FMN1: variants seen among roughly 807,000 people sequenced by gnomAD.
FMN1 encodes formin-1.
A neutral mutation model predicts 132.4 loss-of-function variants in FMN1; 110 were observed. The observed-to-expected ratio is 0.83, with a 90% CI of 0.71 to 0.97. The LOEUF (loss-of-function observed/expected upper bound fraction) is 0.97. Among genes scored for constraint, FMN1 ranks in the 50% least tolerant of loss-of-function variants. The pLI, the probability that FMN1 is intolerant of heterozygous loss-of-function variation, is 0.00. For missense variants in FMN1, 1,792 were observed against 1,705.3 expected, an observed-to-expected ratio of 1.05 and a Z score of -0.90; for synonymous variants, 722 against 651.7, an observed-to-expected ratio of 1.11 and a Z score of -1.64.
chr15:32,878,130 G>A (rs2059681464), intron 16 of FMN1, among the ~76,000 whole-genome samples: 1 of 152,174 alleles, frequency 6.6e-6, no homozygotes. Flanking sequence ...TCAGAGCATG[G>A]GCCTATCTGG....
At chr15:32,791,096 G>T (rs1203796883) in intron 19 of FMN1, among the ~76,000 whole-genome samples, 1 of 152,144 alleles carries the variant, frequency 6.6e-6, no homozygotes, top group Non-Finnish European at 1.5e-5. Flanking sequence ...CACAAGGAAA[G>T]AAAGTGCAGG....
At chr15:32,980,362 G>T (rs2032556709) in intron 7 of FMN1, among the ~76,000 whole-genome samples, 1 of 151,070 alleles carries the variant, frequency 6.6e-6, no homozygotes, top group African/African-American at 2.4e-5. Flanking sequence ...CTTTAGCTCT[G>T]CATAAGGCTG....
In FMN1 at chr15:32,810,569, T is replaced by C. The variant is rs7164673; in HGVS notation, c.3929-6237A>G. On this transcript the variant is annotated intron_variant, in intron 17 of 20. Coordinates refer to ENST00000616417, the MANE Select transcript of FMN1 (RefSeq NM_001277313.2). ...AAAGAGAAAGTTTTTATAAATAAAA[T>C]GATATTTCCATAAAATATTCAGACT... 7.3e-3 allele frequency among the ~76,000 whole-genome samples: 1,118 copies of C among 152,312 alleles called. 17 individuals are homozygous for C. The highest frequency in any genetic ancestry group is 0.026 in the African/African-American group (1,063 of 41,562).
At chr15:32,811,318 G>A (rs1163479352) in intron 17 of FMN1, among the ~76,000 whole-genome samples, 1 of 152,122 alleles carries the variant, frequency 6.6e-6, no homozygotes, top group Non-Finnish European at 1.5e-5. Flanking sequence ...TAAGCTGGAT[G>A]GTAAAGTTGA....
chr15:32,999,221 C>G (rs1480790426), intron 7 of FMN1, among the ~76,000 whole-genome samples: 2 of 152,138 alleles, frequency 1.3e-5, no homozygotes, highest in Non-Finnish European at 2.9e-5. Context: ...TATTCCCTTT[C>G]CCTCACAGTA....
chr15:32,994,541 A>C (rs886828561), intron 7 of FMN1, among the ~76,000 whole-genome samples: 2 of 152,116 alleles, frequency 1.3e-5, no homozygotes, highest in African/African-American at 4.8e-5. Flanking sequence ...TCATCACATT[A>C]TATTTATTGG....
At chr15:32,992,838 C>T (rs938253000) in intron 7 of FMN1, among the ~76,000 whole-genome samples, 14 of 152,088 alleles carry the variant, frequency 9.2e-5, no homozygotes, top group Non-Finnish European at 1.2e-4. Context: ...TTCATTTTTA[C>T]GGAGTAAAAT....
chr15:33,046,371 A>AG (rs1012770848), intron 6 of FMN1, among the ~76,000 whole-genome samples: 3 of 152,212 alleles, frequency 2.0e-5, no homozygotes, highest in African/African-American at 4.8e-5. Context: ...AGTCTCATCT[A>AG]GGGATGCCTA....
chr15:32,920,445 T>C (rs2060792566), intron 10 of FMN1, among the ~76,000 whole-genome samples: 1 of 152,174 alleles, frequency 6.6e-6, no homozygotes, highest in Non-Finnish European at 1.5e-5. Flanking sequence ...GTGTTTTCAC[T>C]TCAGCCAGCA....
chr15:33,097,324 G>C (rs2039125558), intron 4 of FMN1, among the ~76,000 whole-genome samples: 2 of 150,820 alleles, frequency 1.3e-5, no homozygotes, highest in Non-Finnish European at 3.0e-5. Context: ...AAAAGAGAGA[G>C]AGAGAGAGAT....
chr15:32,999,528 G>C (rs1358451580), intron 7 of FMN1, among the ~76,000 whole-genome samples: 3 of 152,230 alleles, frequency 2.0e-5, no homozygotes, highest in African/African-American at 7.2e-5. Context: ...TTGATCCCTG[G>C]ATCATTTTGC....
chr15:32,890,547 T>C (rs1213497630), intron 15 of FMN1, among the ~76,000 whole-genome samples: 1 of 152,256 alleles, frequency 6.6e-6, no homozygotes, highest in Non-Finnish European at 1.5e-5. Context: ...TTCATGTTTG[T>C]TGGCCATTTG....
chr15:33,112,115 T>G (rs1371624084), intron 4 of FMN1, among the ~76,000 whole-genome samples: 2 of 152,264 alleles, frequency 1.3e-5, no homozygotes, highest in Middle Eastern at 3.4e-3. Context: ...AATAAAGATT[T>G]TAACCACAGC....
chr15:32,964,094 A>C lies in FMN1; in HGVS notation c.3138+13T>G. On this transcript the variant is annotated intron_variant, in intron 9 of 20. Transcript: ENST00000616417. ...TAATATATAATTACAGCTTTGCCAT[A>C]ATCACTCAGTACCTTTTTGACCTTG... 1 of 1,601,014 alleles carries C rather than the reference A, an allele frequency of 6.2e-7. No homozygotes were observed.
In FMN1 at chr15:32,767,592, A is replaced by G. The variant is rs1183249203; in HGVS notation, c.*6718T>C. On this transcript the variant is annotated 3_prime_UTR_variant, in exon 21 of 21. Coordinates refer to ENST00000616417, the MANE Select transcript of FMN1 (RefSeq NM_001277313.2). Reference sequence around the variant, plus strand: ...GATTCTTAAAAATTATCCAATTTCTAATTTTAAAAGTTTCTGCCTTTTTAG... The same window carrying G: ...GATTCTTAAAAATTATCCAATTTCTGATTTTAAAAGTTTCTGCCTTTTTAG... 3 of 152,344 alleles carry G rather than the reference A, an allele frequency of 2.0e-5. No homozygotes were observed. The South Asian group carries it at 6.2e-4, about 32-fold the overall frequency. The allele number at this position is 152,344 out of a possible 1,614,324, so 9.4% of individuals were successfully genotyped here. A position where few individuals can be genotyped will look rare whatever the true frequency, so the allele number is the denominator to read the frequency against.
At chr15:33,044,682 T>C (rs1182451206) in intron 6 of FMN1, among the ~76,000 whole-genome samples, 1 of 151,986 alleles carries the variant, frequency 6.6e-6, no homozygotes, top group Non-Finnish European at 1.5e-5. Flanking sequence ...GGGTCACCTC[T>C]CTACTGAGAG....
chr15:32,877,036 A>T (rs894103326), intron 16 of FMN1, among the ~76,000 whole-genome samples: 2 of 152,222 alleles, frequency 1.3e-5, no homozygotes, highest in African/African-American at 4.8e-5. Flanking sequence ...CTGTAATCCC[A>T]GCACTTTGGG....
intron 4 of FMN1, among the ~76,000 whole-genome samples, chr15:33,128,022 G>A (rs1963272941): frequency 6.6e-6 from 1 of 152,106 alleles, no homozygotes; most frequent in East Asian, 1.9e-4. Context: ...ACAAATCATA[G>A]CAGAATGCCC....
At chr15:32,953,020 C>G (rs1478689336) in intron 9 of FMN1, among the ~76,000 whole-genome samples, 1 of 152,168 alleles carries the variant, frequency 6.6e-6, no homozygotes, top group Non-Finnish European at 1.5e-5. Flanking sequence ...TGGGGAACTC[C>G]CAGGCTCTCC....
Sources: gnomAD v4.1 joint callset for allele counts (sites outside exome capture counted in the v4.1 genomes callset) on GRCh38, gnomAD v4.1.1 for gene constraint, MANE v1.5 for transcripts, NCBI Gene and HGNC (gene_info 2026-07-23, HGNC 2026-07-21) for gene names.